The following PBX1 variants were observed in gnomAD, a reference collection of about 807,000 sequenced individuals.
PBX1 encodes the protein PBX homeobox 1, also known as pre-B-cell leukemia transcription factor 1.
A neutral mutation model predicts 53.4 loss-of-function variants in PBX1; 6 were observed. The observed-to-expected ratio is 0.11, with a 90% CI of 0.06 to 0.22. PBX1 has a LOEUF of 0.22. PBX1 is among the 10% of genes least tolerant of loss of function. The pLI, the probability that PBX1 is intolerant of heterozygous loss-of-function variation, is 1.00. For missense variants in PBX1, 251 were observed against 551.4 expected, an observed-to-expected ratio of 0.46 and a Z score of 5.46; for synonymous variants, 204 against 212.3, an observed-to-expected ratio of 0.96 and a Z score of 0.34.
At chr1:164,570,201 T>C (rs1042299716) in intron 2 of PBX1, among the ~76,000 whole-genome samples, 1 of 152,228 alleles carries the variant, frequency 6.6e-6, no homozygotes, top group South Asian at 2.1e-4. Flanking sequence ...CCTGACCTTT[T>C]CTTTTTCTTT....
chr1:164,728,546 C>T (rs1240896001), intron 2 of PBX1, among the ~76,000 whole-genome samples: 2 of 152,134 alleles, frequency 1.3e-5, no homozygotes, highest in Non-Finnish European at 2.9e-5. Flanking sequence ...CCACAGGCAG[C>T]AGATAGCCCA....
intron 2 of PBX1, among the ~76,000 whole-genome samples, chr1:164,639,134 T>C (rs923682314): frequency 6.6e-6 from 1 of 152,206 alleles, no homozygotes; most frequent in Admixed American, 6.5e-5. Context: ...GCAATATCGG[T>C]TTTACAGAGT....
At chr1:164,696,584 T>C (rs780217841) in intron 2 of PBX1, among the ~76,000 whole-genome samples, 2 of 152,192 alleles carry the variant, frequency 1.3e-5, no homozygotes, top group Non-Finnish European at 2.9e-5. Flanking sequence ...TTGTAAGTTC[T>C]CTGATTTGTT....
chr1:164,702,555 A>G (rs960712897), intron 2 of PBX1, among the ~76,000 whole-genome samples: 4 of 152,140 alleles, frequency 2.6e-5, no homozygotes, highest in African/African-American at 9.7e-5. Flanking sequence ...ATACACCATA[A>G]TCTAAGAATC....
intron 2 of PBX1, among the ~76,000 whole-genome samples, chr1:164,873,048 C>T (rs1308690640): frequency 2.0e-5 from 3 of 152,194 alleles, no homozygotes; most frequent in Admixed American, 6.5e-5. Flanking sequence ...TTATAATCCT[C>T]ATTTTATATT....
At chr1:164,611,064 T>A (rs776332547) in intron 2 of PBX1, among the ~76,000 whole-genome samples, 1 of 152,178 alleles carries the variant, frequency 6.6e-6, no homozygotes, top group Non-Finnish European at 1.5e-5. Context: ...ATCCTCCCCA[T>A]GTTCTTTTGC....
intron 2 of PBX1, among the ~76,000 whole-genome samples, chr1:164,587,699 C>T (rs1655043436): frequency 6.6e-6 from 1 of 152,214 alleles, no homozygotes. Context: ...CCTGTTGACC[C>T]ATCTGCTTCT....
At chr1:164,799,473 C>A (rs543398433) in intron 3 of PBX1, among the ~76,000 whole-genome samples, 11 of 152,062 alleles carry the variant, frequency 7.2e-5, no homozygotes, top group Non-Finnish European at 1.3e-4. Context: ...CCTGGGCGAC[C>A]GAGCGAGACT....
Position 164,846,864 on chromosome 1 carries a change from T to C in PBX1, c.*188T>C. Reference sequence around the variant, plus strand: ...CCAATCTGGACACTTCTTTATACTCTCTTCCCTTTTTTTTCTGGGTAGAAG... The same window carrying C: ...CCAATCTGGACACTTCTTTATACTCCCTTCCCTTTTTTTTCTGGGTAGAAG... On this transcript the variant is annotated 3_prime_UTR_variant, in exon 9 of 9. Transcript: ENST00000420696. 1 of 1,409,076 alleles carries C rather than the reference T, an allele frequency of 7.1e-7. No homozygotes were observed. The highest frequency in any genetic ancestry group is 9.2e-7 in the Non-Finnish European group (1 of 1,082,910). 87.3% of individuals were successfully genotyped at this position (1,409,076 alleles called of 1,614,324 possible).
At chr1:164,777,848 A>G (rs1264919703) in intron 2 of PBX1, among the ~76,000 whole-genome samples, 1 of 152,212 alleles carries the variant, frequency 6.6e-6, no homozygotes, top group African/African-American at 2.4e-5. Context: ...TGTGAACATA[A>G]TTCACATTGG....
chr1:164,602,601 A>G (rs1656249089), intron 2 of PBX1, among the ~76,000 whole-genome samples: 2 of 151,586 alleles, frequency 1.3e-5, no homozygotes, highest in Non-Finnish European at 2.9e-5. Context: ...TGTATCCTAC[A>G]TGTACCTGCA....
intron 2 of PBX1, among the ~76,000 whole-genome samples, chr1:164,879,795 A>G (rs1322935673): frequency 1.3e-5 from 2 of 152,224 alleles, no homozygotes; most frequent in African/African-American, 4.8e-5. Flanking sequence ...ACTTATTTTA[A>G]CAATACATCA....
At chr1:164,840,102 A>G (rs930354885) in intron 8 of PBX1, among the ~76,000 whole-genome samples, 1 of 152,192 alleles carries the variant, frequency 6.6e-6, no homozygotes, top group African/African-American at 2.4e-5. Context: ...ACTGTAATAA[A>G]TAGCAGAAAA....
intron 2 of PBX1, among the ~76,000 whole-genome samples, chr1:164,713,407 G>A (rs1008887814): frequency 2.0e-5 from 3 of 152,190 alleles, no homozygotes; most frequent in African/African-American, 7.2e-5. Flanking sequence ...GACAGCAAGT[G>A]TCATAAAAAG....
chr1:164,571,436 C>T (rs1382185733), intron 2 of PBX1, among the ~76,000 whole-genome samples: 1 of 152,158 alleles, frequency 6.6e-6, no homozygotes, highest in Admixed American at 6.5e-5. Context: ...TAAATTGAAT[C>T]ATAAAATATT....
intron 2 of PBX1, among the ~76,000 whole-genome samples, chr1:164,749,559 T>A (rs1177745940): frequency 6.6e-6 from 1 of 152,168 alleles, no homozygotes; most frequent in East Asian, 1.9e-4. Flanking sequence ...TTGGAGTTGC[T>A]GGAGATTTTT....
intron 2 of PBX1, chr1:164,884,427 AG>A (rs1305180237): frequency 6.3e-6 from 2 of 319,270 alleles, no homozygotes; most frequent in African/African-American, 4.4e-5. Flanking sequence ...GGTGGGCGAA[AG>A]AAATAAAAAC....
At chr1:164,723,858 A>G (rs1557967276) in intron 2 of PBX1, among the ~76,000 whole-genome samples, 2 of 152,250 alleles carry the variant, frequency 1.3e-5, no homozygotes. Context: ...ATTAAAGTGT[A>G]TAATTAATTT....
At chr1:164,680,103 T>C (rs1399647320) in intron 2 of PBX1, 1 of 152,194 alleles carries the variant, frequency 6.6e-6, no homozygotes, top group Admixed American at 6.5e-5. Flanking sequence ...CCTGTAGTTG[T>C]ATATTCGTAT....
Sources: gnomAD v4.1 joint callset for allele counts (sites outside exome capture counted in the v4.1 genomes callset) on GRCh38, gnomAD v4.1.1 for gene constraint, MANE v1.5 for transcripts, NCBI Gene and HGNC (gene_info 2026-07-23, HGNC 2026-07-21) for gene names.